Variants in AGBL1 observed in about 807,000 individuals in gnomAD.
AGBL1 encodes cytosolic carboxypeptidase 4.
AGBL1 carries 130 observed loss-of-function variants against 118.9 expected under a neutral mutation model. The ratio of observed to expected loss-of-function variants is 1.09; its 90% CI spans 0.95 to 1.26. The LOEUF is 1.26. Ranked by LOEUF, AGBL1 falls within the 50% of genes most tolerant of loss-of-function variation. AGBL1 has a pLI of 0.00. For missense variants in AGBL1, 1,584 were observed against 1,298.1 expected (o/e 1.22, Z -3.38); for synonymous variants, 555 against 478.9 (o/e 1.16, Z -2.08).
chr15:86,698,737 C>T (rs2086306058), intron 22 of AGBL1, among the ~76,000 whole-genome samples: 1 of 151,248 alleles, frequency 6.6e-6, no homozygotes. Flanking sequence ...TCTGGGATGC[C>T]TAAAAAAGAC....
chr15:86,157,027 T>TGATCCACC lies in AGBL1; in HGVS notation c.395-1905_395-1898dup, dbSNP rs1286479320. Among the ~76,000 whole-genome samples the TGATCCACC allele has an allele frequency of 7.0e-4, 106 of 152,174 alleles. 1 individual carries two copies. The highest frequency in any genetic ancestry group is 2.5e-3 in the African/African-American group (104 of 41,546). ...CTGGTCTTGAACTCCTGACCTCAGG[T>TGATCCACC]GATCCACCCACCTCAGCCTCCCAAA... On this transcript the variant is annotated intron_variant, in intron 4 of 22. Transcript: ENST00000614907.
At chr15:86,585,479 G>T (rs1260648865) in intron 21 of AGBL1, among the ~76,000 whole-genome samples, 1 of 152,062 alleles carries the variant, frequency 6.6e-6, no homozygotes, top group Non-Finnish European at 1.5e-5. Context: ...TTATAAGCTT[G>T]AACTCCCGAG....
intron 5 of AGBL1, among the ~76,000 whole-genome samples, chr15:86,224,445 C>G (rs894481651): frequency 6.6e-6 from 1 of 152,116 alleles, no homozygotes; most frequent in African/African-American, 2.4e-5. Context: ...AATGCATTTT[C>G]CACTGCATCC....
At chr15:86,408,298 C>T (rs996721850) in intron 18 of AGBL1, among the ~76,000 whole-genome samples, 2 of 152,182 alleles carry the variant, frequency 1.3e-5, no homozygotes, top group African/African-American at 4.8e-5. Flanking sequence ...TCCCCTGACT[C>T]CCTTGTGAAT....
intron 22 of AGBL1, among the ~76,000 whole-genome samples, chr15:86,906,847 G>T (rs1324459814): frequency 6.6e-6 from 1 of 152,160 alleles, no homozygotes; most frequent in African/African-American, 2.4e-5. Context: ...GGACACAGGG[G>T]AGTGTGCATA....
At chr15:86,584,463 TTTTGTTGAC>T in intron 21 of AGBL1, among the ~76,000 whole-genome samples, 1 of 152,286 alleles carries the variant, frequency 6.6e-6, no homozygotes, top group Admixed American at 6.5e-5. Flanking sequence ...CATTGCTTGT[TTTTGTTGAC>T]TTTGTTGAAG....
At chr15:86,837,704 G>A (rs2079188151) in intron 22 of AGBL1, among the ~76,000 whole-genome samples, 3 of 152,170 alleles carry the variant, frequency 2.0e-5, no homozygotes, top group Admixed American at 6.5e-5. Context: ...TTTTCTTTGG[G>A]TAAAATCCAG....
At chr15:86,777,039 G>A (rs952015029) in intron 22 of AGBL1, among the ~76,000 whole-genome samples, 2 of 151,764 alleles carry the variant, frequency 1.3e-5, no homozygotes, top group South Asian at 2.1e-4. Flanking sequence ...TCACATTTAA[G>A]TATTTTATCT....
At chr15:86,227,314 A>G (rs2078382067) in intron 6 of AGBL1, among the ~76,000 whole-genome samples, 1 of 152,266 alleles carries the variant, frequency 6.6e-6, no homozygotes, top group Non-Finnish European at 1.5e-5. Context: ...CTGTCTATAC[A>G]TCTTTGGTGT....
At chr15:86,591,306 C>CT (rs1389595298) in intron 21 of AGBL1, among the ~76,000 whole-genome samples, 1 of 152,204 alleles carries the variant, frequency 6.6e-6, no homozygotes, top group Non-Finnish European at 1.5e-5. Context: ...ACACCAACCA[C>CT]TGGACACCTG....
At chr15:86,953,873 A>G (rs2080904227) in intron 23 of AGBL1, among the ~76,000 whole-genome samples, 1 of 152,182 alleles carries the variant, frequency 6.6e-6, no homozygotes, top group African/African-American at 2.4e-5. Flanking sequence ...GCAAAAAGAA[A>G]TAGTTTGATT....
chr15:86,544,009 G>A (rs991463280), intron 19 of AGBL1, among the ~76,000 whole-genome samples: 21 of 152,200 alleles, frequency 1.4e-4, no homozygotes, highest in African/African-American at 4.6e-4. Flanking sequence ...GGCTCTTTAA[G>A]TGTATTTTCC....
intron 22 of AGBL1, among the ~76,000 whole-genome samples, chr15:86,802,485 T>C (rs981679701): frequency 2.0e-5 from 3 of 152,168 alleles, no homozygotes; most frequent in Non-Finnish European, 4.4e-5. Context: ...AGTAGAACCA[T>C]GTTGCAATGC....
chr15:86,127,413 C>T (rs569166252), intron 1 of AGBL1, among the ~76,000 whole-genome samples: 6 of 152,076 alleles, frequency 3.9e-5, no homozygotes, highest in South Asian at 4.1e-4. Flanking sequence ...TGGAAAATTG[C>T]CTTCTGTTGC....
intron 17 of AGBL1, among the ~76,000 whole-genome samples, chr15:86,349,609 G>A (rs538988862): frequency 6.6e-6 from 1 of 152,152 alleles, no homozygotes; most frequent in Non-Finnish European, 1.5e-5. Flanking sequence ...CTCAATAAAT[G>A]CTTCCTAAAT....
chr15:86,921,002 G>A (rs991707964), downstream of AGBL1, among the ~76,000 whole-genome samples: 8 of 152,140 alleles, frequency 5.3e-5, no homozygotes, highest in African/African-American at 1.9e-4. Context: ...GCCAAGCAAG[G>A]AGAACTGGGC....
intron 21 of AGBL1, among the ~76,000 whole-genome samples, chr15:86,563,883 T>C (rs1396272824): frequency 1.3e-5 from 2 of 152,314 alleles, no homozygotes; most frequent in African/African-American, 4.8e-5. Flanking sequence ...TACCATTATG[T>C]AATAGCCTTC....
At chr15:86,811,221 C>A (rs549394666) in intron 22 of AGBL1, among the ~76,000 whole-genome samples, 2 of 152,290 alleles carry the variant, frequency 1.3e-5, no homozygotes, top group African/African-American at 4.8e-5. Context: ...ACTCAGTCTT[C>A]TTCCTATTGG....
chr15:86,772,848 C>T (rs1458241728), intron 22 of AGBL1, among the ~76,000 whole-genome samples: 1 of 151,968 alleles, frequency 6.6e-6, no homozygotes, highest in Non-Finnish European at 1.5e-5. Context: ...CTATTGCTGA[C>T]CTTTGGAGCT....
Sources: allele counts gnomAD v4.1 joint callset (sites outside exome capture counted in the v4.1 genomes callset), GRCh38; gene constraint gnomAD v4.1.1; transcripts MANE v1.5; gene names NCBI Gene and HGNC (gene_info 2026-07-23, HGNC 2026-07-21).